VSIG10: variants seen among roughly 807,000 people sequenced by gnomAD.
VSIG10 encodes the protein V-set and immunoglobulin domain containing 10, also known as V-set and immunoglobulin domain-containing protein 10.
A neutral mutation model predicts 58.7 loss-of-function variants in VSIG10; 48 were observed. The observed-to-expected ratio is 0.82, with a 90% CI of 0.65 to 1.04. The LOEUF is 1.04. Among genes scored for constraint, VSIG10 ranks in the 50% least tolerant of loss-of-function variants. VSIG10 has a pLI of 0.00. For synonymous variants in VSIG10, 260 were observed against 267.1 expected (o/e 0.97, Z 0.26); for missense variants, 628 against 670.0 (o/e 0.94, Z 0.69).
Position 118,093,858 on chromosome 12 carries a change from G to A in VSIG10, c.361+1675C>T, listed in dbSNP as rs148475265. ...CGGGAGGCAGAGGTTGTGGTGAGCCGAGATTGCATCACTGCACTCCAGCCT... is the reference window on the plus strand; with the variant it reads ...CGGGAGGCAGAGGTTGTGGTGAGCCAAGATTGCATCACTGCACTCCAGCCT... On this transcript the variant is annotated intron_variant, in intron 2 of 8. Transcript: ENST00000359236. Among the ~76,000 whole-genome samples, 1,422 of 152,126 alleles carry A rather than the reference G, an allele frequency of 9.3e-3. 23 individuals carry two copies. Among genetic ancestry groups the A allele is most frequent in the African/African-American group, 0.033 (1,380 of 41,520 alleles).
intron 1 of VSIG10, chr12:118,101,726 A>T (rs1031504569): frequency 6.6e-6 from 1 of 152,028 alleles, no homozygotes; most frequent in African/African-American, 2.4e-5. Flanking sequence ...CAGGAGAAAA[A>T]TTTTTTTCCC....
At chr12:118,083,234 G>C (rs1184557713) in intron 2 of VSIG10, among the ~76,000 whole-genome samples, 2 of 150,608 alleles carry the variant, frequency 1.3e-5, no homozygotes, top group African/African-American at 4.9e-5. Context: ...TTGAGGCCAG[G>C]AGTTCCAGAC....
At chr12:118,075,877 A>G (rs2032706145) in intron 4 of VSIG10, among the ~76,000 whole-genome samples, 1 of 152,214 alleles carries the variant, frequency 6.6e-6, no homozygotes, top group Non-Finnish European at 1.5e-5. Flanking sequence ...GCTAGGATTC[A>G]GAGTGATCAA....
rs780583715 is a variant in VSIG10 at position 118,082,373 on chromosome 12, T to G, written c.418A>C (p.Thr140Pro). ...TGGGAGCCCCTGGCTGCGTAGAGGG[T>G]GCCGTTGGGGAGTGTGCCGGTGGCC... ...IVATGTLPNG[T>P]LYAARGSQVD... The change falls in exon 3 of 9, where the codon ACC becomes CCC. Residue 140 changes from threonine to proline, a missense_variant. Physicochemically the swap from Thr to Pro is conservative, Grantham distance 38. Coordinates refer to ENST00000359236, the MANE Select transcript of VSIG10 (RefSeq NM_019086.6). 6.2e-7 allele frequency: 1 copy of G among 1,613,754 alleles called. No individual in the cohort carries two copies. The highest frequency in any genetic ancestry group is 8.5e-7 in the Non-Finnish European group (1 of 1,179,830).
At chr12:118,096,218 G>A (rs1454926465) in intron 1 of VSIG10, among the ~76,000 whole-genome samples, 7 of 151,948 alleles carry the variant, frequency 4.6e-5, no homozygotes, top group Admixed American at 1.3e-4. Flanking sequence ...CGAGGTGGGC[G>A]GATCACAAGG....
At chr12:118,087,660 G>T (rs1471194510) in intron 2 of VSIG10, among the ~76,000 whole-genome samples, 1 of 151,562 alleles carries the variant, frequency 6.6e-6, no homozygotes, top group Non-Finnish European at 1.5e-5. Context: ...AATATAGTGA[G>T]ACCTTGTCTC....
intron 7 of VSIG10, among the ~76,000 whole-genome samples, chr12:118,069,575 G>A (rs548469453): frequency 6.6e-5 from 10 of 151,968 alleles, no homozygotes; most frequent in South Asian, 6.2e-4. Context: ...ACAGGCATGC[G>A]CCACTACATG....
At chr12:118,072,204 G>C (rs534055715) in intron 5 of VSIG10, among the ~76,000 whole-genome samples, 1 of 151,896 alleles carries the variant, frequency 6.6e-6, no homozygotes, top group Non-Finnish European at 1.5e-5. Flanking sequence ...GGTGGCTCAC[G>C]CCTGTAATCC....
At chr12:118,071,325 G>A in intron 6 of VSIG10, 34 bp downstream of exon 6, 1 of 1,593,458 alleles carries the variant, frequency 6.3e-7, no homozygotes, top group South Asian at 1.1e-5. Flanking sequence ...TCAAAAGTCT[G>A]GAAGAGAAGC....
intron 7 of VSIG10, 200 bp downstream of exon 7, chr12:118,070,852 A>C (rs2032461390): frequency 1.6e-6 from 1 of 631,068 alleles, no homozygotes; most frequent in African/African-American, 1.8e-5. Context: ...TTATCTGGAA[A>C]ATGGAGATGT....
At chr12:118,102,636 G>A (rs2033650513) in intron 1 of VSIG10, 1 of 151,980 alleles carries the variant, frequency 6.6e-6, no homozygotes, top group South Asian at 2.1e-4. Context: ...TAATAATTAG[G>A]AACTCTTGGC....
intron 2 of VSIG10, among the ~76,000 whole-genome samples, chr12:118,094,576 G>A (rs373413497): frequency 1.3e-5 from 2 of 151,632 alleles, no homozygotes; most frequent in African/African-American, 4.8e-5. Flanking sequence ...TAGAGATGGG[G>A]TTTCACCATG....
intron 2 of VSIG10, among the ~76,000 whole-genome samples, chr12:118,086,205 G>A (rs2033122236): frequency 6.6e-6 from 1 of 151,640 alleles, no homozygotes; most frequent in Non-Finnish European, 1.5e-5. Context: ...GCTCACCTCT[G>A]TAATCCCAGC....
At chr12:118,096,896 G>A (rs1227272044) in intron 1 of VSIG10, among the ~76,000 whole-genome samples, 5 of 151,696 alleles carry the variant, frequency 3.3e-5, no homozygotes, top group Admixed American at 6.6e-5. Context: ...AAAATTAGCC[G>A]GGCGTGGTGG....
chr12:118,095,396 C>T (rs1198701735), intron 2 of VSIG10, 137 bp downstream of exon 2: 1 of 1,099,002 alleles, frequency 9.1e-7, no homozygotes, highest in African/African-American at 1.6e-5. Flanking sequence ...TGTGAGAGGT[C>T]CCTCAGCTTC....
intron 6 of VSIG10, 33 bp downstream of exon 6, chr12:118,071,326 G>C (rs557651030): frequency 3.1e-6 from 5 of 1,595,582 alleles, no homozygotes; most frequent in Admixed American, 1.7e-5. Context: ...CAAAAGTCTG[G>C]AAGAGAAGCT....
At chr12:118,072,464 C>CA (rs560409870) in intron 5 of VSIG10, among the ~76,000 whole-genome samples, 12,264 of 86,336 alleles carry the variant, frequency 0.14, 689 homozygotes, top group Admixed American at 0.22. Context: ...GACTCCGTCT[C>CA]AAAAAAAAAA....
intron 4 of VSIG10, among the ~76,000 whole-genome samples, chr12:118,077,167 C>T (rs899646756): frequency 5.3e-5 from 8 of 152,124 alleles, no homozygotes; most frequent in African/African-American, 7.2e-5. Context: ...ACTTTACACA[C>T]GATGCCCCGG....
intron 7 of VSIG10, 31 bp downstream of exon 7, chr12:118,071,021 G>C: frequency 4.4e-6 from 7 of 1,599,046 alleles, no homozygotes; most frequent in Non-Finnish European, 6.0e-6. Flanking sequence ...TGCGGGAATG[G>C]GTGTTTGGTT....
Sources: gnomAD v4.1 joint callset for allele counts (sites outside exome capture counted in the v4.1 genomes callset) on GRCh38, gnomAD v4.1.1 for gene constraint, MANE v1.5 for transcripts, NCBI Gene and HGNC (gene_info 2026-07-23, HGNC 2026-07-21) for gene names.